The following PLD5 variants were observed in gnomAD, a reference collection of about 807,000 sequenced individuals.
The protein encoded by PLD5 is phospholipase D family member 5, also known as inactive phospholipase D5.
In PLD5, 36 loss-of-function variants were observed where a neutral mutation model predicts 61.1. The observed-to-expected ratio is 0.59, with a 90% CI of 0.45 to 0.78. The LOEUF (loss-of-function observed/expected upper bound fraction) is 0.78. Among genes scored for constraint, PLD5 ranks in the 30% least tolerant of loss-of-function variants. The probability of loss-of-function intolerance (pLI) is 0.00; values close to 1 mark genes in which losing one functional copy is unlikely to be tolerated. For missense variants in PLD5, 515 were observed against 644.4 expected (o/e 0.80, Z 2.17); for synonymous variants, 243 against 242.8 (o/e 1.00, Z -0.01).
At chr1:242,362,563 A>T (rs1661127587) in intron 1 of PLD5, among the ~76,000 whole-genome samples, 1 of 152,122 alleles carries the variant, frequency 6.6e-6, no homozygotes, top group Non-Finnish European at 1.5e-5. Context: ...ATGTGCTGTT[A>T]TCTTGAGCTC....
At chr1:242,482,182 C>T (rs1667800988) in intron 1 of PLD5, among the ~76,000 whole-genome samples, 1 of 152,244 alleles carries the variant, frequency 6.6e-6, no homozygotes, top group African/African-American at 2.4e-5. Flanking sequence ...CAACTCCTCA[C>T]CAGCAACAGA....
intron 1 of PLD5, among the ~76,000 whole-genome samples, chr1:242,520,199 C>T (rs183739587): frequency 1.9e-4 from 29 of 152,304 alleles, no homozygotes; most frequent in Admixed American, 3.9e-4. Flanking sequence ...GATTTTCCAA[C>T]TGCTCTTTAG....
At chr1:242,428,151 G>A (rs1443728494) in intron 1 of PLD5, among the ~76,000 whole-genome samples, 1 of 152,152 alleles carries the variant, frequency 6.6e-6, no homozygotes, top group Non-Finnish European at 1.5e-5. Flanking sequence ...GGAAAAGTAG[G>A]TATGCTGAAA....
rs74551001 is a variant in PLD5, at chr1:242,203,534, G to C, written c.735+16454C>G. Reference sequence around the variant, plus strand: ...TCCTGGAGGTGGATCCCTCATGAGCGGCTTAGCACTATCCCCTCGGTGAAG... The same window carrying C: ...TCCTGGAGGTGGATCCCTCATGAGCCGCTTAGCACTATCCCCTCGGTGAAG... On this transcript the variant is annotated intron_variant, in intron 5 of 9. Transcript: ENST00000536534. 5.4e-3 allele frequency: 824 copies of C among 152,244 alleles called. 8 individuals carry two copies. The highest frequency in any genetic ancestry group is 0.01 in the Admixed American group (156 of 15,292). The allele number at this position is 152,244 out of a possible 1,614,324, so 9.4% of individuals were successfully genotyped here.
At position 242,086,965 on chromosome 1, in the gene PLD5, G is replaced by A. The variant is rs955655889; in HGVS notation, c.*2889C>T. ...TTTTGCATTCTTTCCCTCCTGGAAA[G>A]TAATTCCTGGGATATTTAGGGGTGG... On this transcript the variant is annotated 3_prime_UTR_variant, in exon 10 of 10. Coordinates refer to ENST00000536534, the MANE Select transcript of PLD5 (RefSeq NM_001372062.1). 1.1e-4 allele frequency: 17 copies of A among 151,788 alleles called. No homozygotes were observed. The highest frequency in any genetic ancestry group is 3.6e-4 in the African/African-American group (15 of 41,294). The allele number at this position is 151,788 out of a possible 1,614,324, so 9.4% of individuals were successfully genotyped here.
At chr1:242,329,005 T>A (rs1263583412) in intron 2 of PLD5, among the ~76,000 whole-genome samples, 2 of 87,866 alleles carry the variant, frequency 2.3e-5, no homozygotes, top group Non-Finnish European at 4.5e-5. Context: ...AATTTTTTGT[T>A]TTATTTATTT....
At position 242,396,507 on chromosome 1, in the gene PLD5, T is replaced by C. The variant is rs902702809; in HGVS notation, c.190-48265A>G. Among the ~76,000 whole-genome samples, 7 of 152,108 alleles carry C rather than the reference T, an allele frequency of 4.6e-5. No individual in the cohort carries two copies. In the East Asian group the frequency reaches 1.3e-3, roughly 29 times the overall value. ...CCTGTCTCCAGTTCCCACTACTCCA[T>C]GGAAGGAGTGTCAAGGGTGTCAAGG... On this transcript the variant is annotated intron_variant, in intron 1 of 9. Transcript: ENST00000536534.
intron 1 of PLD5, among the ~76,000 whole-genome samples, chr1:242,479,753 C>T (rs1031737543): frequency 3.3e-5 from 5 of 151,928 alleles, no homozygotes; most frequent in Non-Finnish European, 5.9e-5. Context: ...AGAAAGCTTA[C>T]ATAATCTGGG....
rs547990074 is a variant in PLD5, at chr1:242,228,359, C to T, written c.608-8244G>A. 5.9e-5 allele frequency among the ~76,000 whole-genome samples: 9 copies of T among 152,226 alleles called. No homozygotes were observed. The South Asian group carries it at 6.2e-4, about 11-fold the overall frequency. On this transcript the variant is annotated intron_variant, in intron 4 of 9. Transcript: ENST00000536534. Reference sequence around the variant, plus strand: ...TATACATGCATCATTTCTTCCCTGACGACACGTCCTTTTAATAGTACCCGA... The same window carrying T: ...TATACATGCATCATTTCTTCCCTGATGACACGTCCTTTTAATAGTACCCGA...
chr1:242,318,792 T>C (rs1230689729), intron 2 of PLD5, among the ~76,000 whole-genome samples: 4 of 152,062 alleles, frequency 2.6e-5, no homozygotes, highest in Non-Finnish European at 5.9e-5. Flanking sequence ...ATCTAGGCTA[T>C]AACTTTTTTA....
At chr1:242,526,044 T>G (rs1303954772), upstream of PLD5, among the ~76,000 whole-genome samples, 1 of 152,170 alleles carries the variant, frequency 6.6e-6, no homozygotes, top group Non-Finnish European at 1.5e-5. Flanking sequence ...TAACCCTCCT[T>G]TCCAGTGAGG....
chr1:242,391,925 A>G (rs575109533), intron 1 of PLD5, among the ~76,000 whole-genome samples: 8 of 152,336 alleles, frequency 5.3e-5, no homozygotes, highest in African/African-American at 1.9e-4. Flanking sequence ...CACAAAGAAA[A>G]GTAAATTGTT....
intron 1 of PLD5, among the ~76,000 whole-genome samples, chr1:242,436,483 T>TA (rs373816835): frequency 2.0e-5 from 3 of 152,002 alleles, no homozygotes; most frequent in Admixed American, 6.6e-5. Context: ...ATTCACCTTT[T>TA]AAAAAAAAAT....
intron 5 of PLD5, among the ~76,000 whole-genome samples, chr1:242,156,092 T>C (rs1354559811): frequency 6.6e-6 from 1 of 152,226 alleles, no homozygotes; most frequent in Non-Finnish European, 1.5e-5. Context: ...TTGATCCCTT[T>C]ACCATTATGT....
intron 5 of PLD5, among the ~76,000 whole-genome samples, chr1:242,131,093 C>T (rs1663200870): frequency 6.6e-6 from 1 of 152,074 alleles, no homozygotes; most frequent in Non-Finnish European, 1.5e-5. Flanking sequence ...ATCACTAGAT[C>T]AAGAGATGGA....
chr1:242,341,959 G>C (rs1659858787), intron 2 of PLD5, among the ~76,000 whole-genome samples: 1 of 151,320 alleles, frequency 6.6e-6, no homozygotes, highest in Non-Finnish European at 1.5e-5. Flanking sequence ...AAGATGAGAG[G>C]CAAGTGTGAG....
chr1:242,377,359 C>T (rs1390747909), intron 1 of PLD5: 2 of 1,578,760 alleles, frequency 1.3e-6, no homozygotes, highest in East Asian at 4.5e-5. Context: ...GTGATTGCTC[C>T]TCAGGGAGAC....
intron 4 of PLD5, among the ~76,000 whole-genome samples, chr1:242,247,454 A>ATG (rs1672456814): frequency 6.6e-6 from 1 of 152,188 alleles, no homozygotes; most frequent in Non-Finnish European, 1.5e-5. Flanking sequence ...AACCCATTTA[A>ATG]TGAGATTTTA....
chr1:242,115,262 C>A (rs1661853183), intron 6 of PLD5, among the ~76,000 whole-genome samples: 1 of 152,154 alleles, frequency 6.6e-6, no homozygotes, highest in African/African-American at 2.4e-5. Context: ...CCTGCTGACC[C>A]TGGTCCATGG....
Sources: allele counts gnomAD v4.1 joint callset (sites outside exome capture counted in the v4.1 genomes callset), GRCh38; gene constraint gnomAD v4.1.1; transcripts MANE v1.5; gene names NCBI Gene and HGNC (gene_info 2026-07-23, HGNC 2026-07-21).